Variants in JAG2 observed in about 807,000 individuals in gnomAD.
JAG2 encodes jagged canonical Notch ligand 2.
JAG2 carries 46 observed loss-of-function variants against 141.7 expected under a neutral mutation model. The observed-to-expected ratio is 0.32, with a 90% confidence interval of 0.26 to 0.42. JAG2 has a LOEUF of 0.42. Among genes scored for constraint, JAG2 ranks in the 10% least tolerant of loss-of-function variants. The probability of loss-of-function intolerance (pLI) is 1.00; values close to 1 mark genes in which losing one functional copy is unlikely to be tolerated. For synonymous variants in JAG2, 862 were observed against 763.5 expected, an observed-to-expected ratio of 1.13 and a Z score of -2.13; for missense variants, 1,500 against 1,817.5, an observed-to-expected ratio of 0.83 and a Z score of 3.18.
intron 3 of JAG2, among the ~76,000 whole-genome samples, chr14:105,156,882 G>T (rs1236526130): frequency 6.6e-6 from 1 of 151,996 alleles, no homozygotes; most frequent in Non-Finnish European, 1.5e-5. Context: ...AGCCGCTGGG[G>T]TCCCCACAAC....
chr14:105,160,718 C>T lies in JAG2; in HGVS notation c.418-2955G>A, dbSNP rs1167089920. ...TCTCTACTAAAAATATAAAAATTAGCCAGCCATGGTGGCAGGTGTCTGTAG... is the reference window on the plus strand; with the variant it reads ...TCTCTACTAAAAATATAAAAATTAGTCAGCCATGGTGGCAGGTGTCTGTAG... On this transcript the variant is annotated intron_variant, in intron 2 of 25. Transcript: ENST00000331782. 1.7e-4 allele frequency among the ~76,000 whole-genome samples: 26 copies of T among 152,072 alleles called. 1 individual carries two copies. The highest frequency in any genetic ancestry group is 1.7e-3 in the Admixed American group (26 of 15,274).
At position 105,150,971 on chromosome 14, in the gene JAG2, C is replaced by T. The variant is rs776721753; in HGVS notation, c.1381+20G>A. The T allele has an allele frequency of 9.3e-6, 15 of 1,606,382 alleles. No homozygotes were observed. The highest frequency in any genetic ancestry group is 1.2e-5 in the Non-Finnish European group (14 of 1,176,810). On this transcript the variant is annotated intron_variant, in intron 10 of 25. Transcript: ENST00000331782. ...CCATGTGCCTCGGCCCACCCGCCGG[C>T]GCCCACCCCCCATACTGACTGATAT...
At position 105,168,354 on chromosome 14, in the gene JAG2, C is replaced by A; in HGVS notation, c.66+1G>T. On this transcript the variant is annotated splice_donor_variant, in intron 1 of 25. Coordinates refer to ENST00000331782, the MANE Select transcript of JAG2 (RefSeq NM_002226.5). LOFTEE classifies it high-confidence loss of function. ...CCCGCCGCCCCCGCCGCCCCGCTCA[C>A]CTGCACCCAGAGCGCCAGCAGCAGC... 1 of 974,716 alleles carries A rather than the reference C, an allele frequency of 1.0e-6. No homozygotes were observed. The highest frequency in any genetic ancestry group is 4.0e-5 in the Admixed American group (1 of 24,752). The allele number at this position is 974,716 out of a possible 1,614,324, so 60.4% of individuals were successfully genotyped here.
intron 7 of JAG2, 73 bp downstream of exon 7, chr14:105,151,865 A>G: frequency 6.2e-7 from 1 of 1,609,932 alleles, no homozygotes; most frequent in Non-Finnish European, 8.5e-7. Context: ...CGCCAGAGGG[A>G]TGGGGCCTGA....
chr14:105,148,864 G>A lies in JAG2; in HGVS notation c.1907-6C>T, dbSNP rs757965497. The A allele has an allele frequency of 6.3e-7, 1 of 1,588,368 alleles. No individual in the cohort carries two copies. The highest frequency in any genetic ancestry group is 1.3e-5 in the African/African-American group (1 of 74,606). On this transcript the variant is annotated splice_region_variant and splice_polypyrimidine_tract_variant and intron_variant, in intron 14 of 25. Coordinates refer to ENST00000331782, the MANE Select transcript of JAG2 (RefSeq NM_002226.5). ...GCCCAGGCAGTCGTCAATGTCTGCAGAGGCGAGCGGGGTGAGCCAGGGCCT... is the reference window on the plus strand; with the variant it reads ...GCCCAGGCAGTCGTCAATGTCTGCAAAGGCGAGCGGGGTGAGCCAGGGCCT...
Position 105,150,771 on chromosome 14 carries a change from C to G in JAG2, c.1435G>C (p.Val479Leu), listed in dbSNP as rs1391490907. ...GGGCACACACACTGGTACCCGTTCA[C>G]CAGGTCCTGGGCGGGCCAGCCAGGT... ...CQHGGTCKDLVNGYQCVCPRG... is the reference protein window; with the variant it reads ...CQHGGTCKDLLNGYQCVCPRG... The change falls in exon 12 of 26, where the codon GTG (valine) becomes CTG (leucine). Residue 479 changes from valine (V) to leucine (L), a missense_variant. Val to Leu is a conservative substitution (Grantham distance 32, BLOSUM62 1). Transcript: ENST00000331782. 2 of 1,587,438 alleles carry G rather than the reference C, an allele frequency of 1.3e-6. No individual in the cohort carries two copies. The highest frequency in any genetic ancestry group is 1.7e-6 in the Non-Finnish European group (2 of 1,167,506).
rs769561985 is a variant in JAG2, at chr14:105,149,318, C to T, written c.1605G>A (p.Val535=). The change falls in exon 13 of 26, where the codon GTG becomes GTA. Residue 535 remains valine, a splice_region_variant and synonymous_variant. Transcript: ENST00000331782. ...PQGFSGPLCE[V]DVDLCEPSPC... The stretch of plus-strand genomic sequence containing the variant: ...GGCTTGGCTCACAAAGGTCGACATC[C>T]ACCTGCAGGGTGGGGGGTGCCTGTG... 3 of 1,612,630 alleles carry T rather than the reference C, an allele frequency of 1.9e-6. No individual in the cohort carries two copies. The highest frequency in any genetic ancestry group is 1.7e-5 in the Admixed American group (1 of 60,032).
At chr14:105,156,183 GCCA>G (rs1327782257) in intron 3 of JAG2, among the ~76,000 whole-genome samples, 194 bp from the exon 4 acceptor site, 84 of 126,788 alleles carry the variant, frequency 6.6e-4, no homozygotes, top group African/African-American at 2.4e-3. Context: ...TCTCCCTCCC[GCCA>G]CCAAGCCTGC....
chr14:105,151,177 C>T lies in JAG2; in HGVS notation c.1268-73G>A, dbSNP rs924591623. The T allele has an allele frequency of 2.2e-6, 3 of 1,387,536 alleles. No homozygotes were observed. The African/African-American group carries it at 4.4e-5, about 20-fold the overall frequency. 86.0% of individuals were successfully genotyped at this position (1,387,536 alleles called of 1,614,324 possible). ...CCCCTGCAGCACGGGCACCTGGCAC[C>T]CGCAGCCCAGCAGCCCCAGCAGCCC... On this transcript the variant is annotated intron_variant, in intron 9 of 25. Transcript: ENST00000331782.
intron 3 of JAG2, among the ~76,000 whole-genome samples, chr14:105,156,712 G>A (rs939731726): frequency 7.2e-5 from 11 of 152,074 alleles, no homozygotes; most frequent in Non-Finnish European, 1.5e-4. Flanking sequence ...CTCCCGCCTC[G>A]GGCCAAGGCC....
intron 3 of JAG2, 51 bp from the exon 4 acceptor site, chr14:105,156,040 G>A (rs1198052899): frequency 6.3e-7 from 1 of 1,589,712 alleles, no homozygotes; most frequent in Admixed American, 1.7e-5. Flanking sequence ...GCCCGGCCAG[G>A]GGTCCTCCAG....
intron 2 of JAG2, among the ~76,000 whole-genome samples, chr14:105,158,199 C>G (rs965565190): frequency 2.0e-5 from 3 of 152,174 alleles, no homozygotes; most frequent in African/African-American, 7.2e-5. Flanking sequence ...TGGGGGTGAC[C>G]ACGGGGGAGA....
At chr14:105,161,010 G>T (rs1888731430) in intron 2 of JAG2, among the ~76,000 whole-genome samples, 1 of 152,228 alleles carries the variant, frequency 6.6e-6, no homozygotes. Flanking sequence ...GGACAGTGGG[G>T]TCATACCACA....
chr14:105,143,827 T>C (rs1373774867), intron 24 of JAG2, among the ~76,000 whole-genome samples, 189 bp from the exon 25 acceptor site: 2 of 133,314 alleles, frequency 1.5e-5, no homozygotes, highest in African/African-American at 5.9e-5. Flanking sequence ...AGTGGAGGGG[T>C]GGAGGCTGTC....
intron 5 of JAG2, among the ~76,000 whole-genome samples, chr14:105,153,096 C>T (rs1021746346): frequency 3.9e-5 from 6 of 152,226 alleles, no homozygotes; most frequent in African/African-American, 1.2e-4. Context: ...CCGGGACTCC[C>T]GGGGGGCCCT....
rs587715644 is a variant in JAG2, at chr14:105,145,251, G to A, written c.2953-190C>T. Among the ~76,000 whole-genome samples the A allele has an allele frequency of 2.5e-3, 381 of 152,296 alleles. 5 individuals carry two copies. Among genetic ancestry groups the A allele is most frequent in the Non-Finnish European group, 5.3e-4 (36 of 68,010 alleles). On this transcript the variant is annotated intron_variant, in intron 23 of 25. Transcript: ENST00000331782. Reference sequence around the variant, plus strand: ...CCCTATACCAGGAGGCAGGAGTGACGGTGCCCACCCGCCCATCCTCAGGGC... The same window carrying A: ...CCCTATACCAGGAGGCAGGAGTGACAGTGCCCACCCGCCCATCCTCAGGGC...
chr14:105,142,245 A>C lies in JAG2; in HGVS notation c.*450T>G. 5.9e-6 allele frequency: 1 copy of C among 169,244 alleles called. No individual in the cohort carries two copies. Among genetic ancestry groups the C allele is most frequent in the Non-Finnish European group, 1.3e-5 (1 of 78,796 alleles). The allele number at this position is 169,244 out of a possible 1,614,324, so 10.5% of individuals were successfully genotyped here. ...CGAGTCCCACCGACAGCCACAGGCC[A>C]CACCATCAGCCACGGGTCCCACCAA... On this transcript the variant is annotated 3_prime_UTR_variant, in exon 26 of 26. Transcript: ENST00000331782.
chr14:105,159,045 T>G (rs1164128856), intron 2 of JAG2, among the ~76,000 whole-genome samples: 1 of 151,316 alleles, frequency 6.6e-6, no homozygotes, highest in Non-Finnish European at 1.5e-5. Context: ...CCAAGATGTC[T>G]CAGAAGACTG....
chr14:105,147,329 T>TG lies in JAG2; in HGVS notation c.2475dup (p.Ile826HisfsTer20). The TG allele has an allele frequency of 6.4e-7, 1 of 1,555,322 alleles. No homozygotes were observed. Among genetic ancestry groups the TG allele is most frequent in the Non-Finnish European group, 8.7e-7 (1 of 1,149,662 alleles). ...CTGGGGCTGTCTGGCCACTCACTGA[T>TG]GCGGCAGTCAGGCCCCGCGAAGCCA... On this transcript the variant is annotated frameshift_variant, in exon 20 of 26. Coordinates refer to ENST00000331782, the MANE Select transcript of JAG2 (RefSeq NM_002226.5). LOFTEE classifies it high-confidence loss of function.
Sources: gnomAD v4.1 joint callset for allele counts (sites outside exome capture counted in the v4.1 genomes callset) on GRCh38, gnomAD v4.1.1 for gene constraint, MANE v1.5 for transcripts, NCBI Gene and HGNC (gene_info 2026-07-23, HGNC 2026-07-21) for gene names.